SLC7A10: variants seen among roughly 807,000 people sequenced by gnomAD.
SLC7A10 encodes solute carrier family 7 member 10.
SLC7A10 carries 30 observed loss-of-function variants against 52.7 expected under a neutral mutation model. The ratio of observed to expected loss-of-function variants is 0.57; its 90% CI spans 0.43 to 0.77. The LOEUF (loss-of-function observed/expected upper bound fraction) is 0.77, where lower values mean the gene tolerates loss of function less well. Among genes scored for constraint, SLC7A10 ranks in the 30% least tolerant of loss-of-function variants. SLC7A10 has a pLI of 0.00. For synonymous variants in SLC7A10, 318 were observed against 314.9 expected, an observed-to-expected ratio of 1.01 and a Z score of -0.10; for missense variants, 581 against 698.5, an observed-to-expected ratio of 0.83 and a Z score of 1.90.
intron 7 of SLC7A10, 153 bp from the exon 8 acceptor site, chr19:33,211,051 C>A (rs750740777): frequency 4.1e-6 from 4 of 968,970 alleles, no homozygotes; most frequent in Non-Finnish European, 6.5e-6. Flanking sequence ...CTGCCTCTTG[C>A]TTTCTTTGCC....
intron 1 of SLC7A10, among the ~76,000 whole-genome samples, chr19:33,221,341 A>T (rs1006324128): frequency 1.3e-5 from 2 of 150,688 alleles, no homozygotes; most frequent in Non-Finnish European, 3.0e-5. Context: ...GTCTGTCTTG[A>T]CCCCCCCATG....
chr19:33,215,241 C>CAT (rs1974643651), intron 2 of SLC7A10, among the ~76,000 whole-genome samples: 1 of 147,992 alleles, frequency 6.8e-6, no homozygotes, highest in African/African-American at 2.5e-5. Flanking sequence ...GCACTCCAGC[C>CAT]TGGGCAACAG....
intron 2 of SLC7A10, among the ~76,000 whole-genome samples, chr19:33,215,427 C>A (rs564358107): frequency 1.3e-5 from 2 of 152,122 alleles, no homozygotes; most frequent in Non-Finnish European, 2.9e-5. Context: ...AAGAATCCCC[C>A]CTCCTTAAGT....
chr19:33,217,584 G>A (rs1396057677), intron 1 of SLC7A10, among the ~76,000 whole-genome samples: 1 of 152,166 alleles, frequency 6.6e-6, no homozygotes, highest in African/African-American at 2.4e-5. Context: ...GTCCTGGTAG[G>A]ACCAACATCG....
chr19:33,210,510 A>G lies in SLC7A10; in HGVS notation c.1220T>C (p.Leu407Pro). 6.2e-7 allele frequency: 1 copy of G among 1,609,348 alleles called. No homozygotes were observed. Residue 407 changes from leucine to proline, a missense_variant, in exon 9 of 11, where the codon CTG becomes CCG. Transcript: ENST00000253188. This position sits in a 1 kb window ranked among gnomAD's most constrained non-coding sequence, Gnocchi z 5.6. ...LCYGVTILGLLLLRWRRPALH... is the reference protein window; with the variant it reads ...LCYGVTILGLPLLRWRRPALH... ...TGCAGGCCGCCTCCAGCGCAGCAGC[A>G]GCAGGCCCAGGATGGTGACGCCGTA...
chr19:33,210,619 G>A lies in SLC7A10; in HGVS notation c.1114-3C>T. 1 of 1,611,362 alleles carries A rather than the reference G, an allele frequency of 6.2e-7. No homozygotes were observed. On this transcript the variant is annotated splice_polypyrimidine_tract_variant and splice_region_variant and intron_variant, in intron 8 of 10. Coordinates refer to ENST00000253188, the MANE Select transcript of SLC7A10 (RefSeq NM_019849.3). The surrounding 1 kb of genome is among the most constrained non-coding windows in gnomAD (Gnocchi z 5.6). ...ATGATGACGGCTGTGGCCCCGCACT[G>A]GGAGAGGACCTGGGGCTGACGGCTG...
At chr19:33,222,464 T>A (rs55683627) in intron 1 of SLC7A10, among the ~76,000 whole-genome samples, 49,404 of 105,792 alleles carry the variant, frequency 0.47, 10,333 homozygotes, top group Non-Finnish European at 0.6. Context: ...TAAAATAAAA[T>A]AAATAAAATA....
chr19:33,215,626 ATCC>A lies in SLC7A10; in HGVS notation c.356+140_356+142del. On this transcript the variant is annotated intron_variant, in intron 2 of 10. Transcript: ENST00000253188. ...CATCCAGCCCCCACACCTTCTCTCC[ATCC>A]ACCCCCCACACCTTCTCTCCATCCA... 24 of 306,850 alleles carry A rather than the reference ATCC, an allele frequency of 7.8e-5. 1 individual carries two copies. The highest frequency in any genetic ancestry group is 1.2e-4 in the East Asian group (1 of 8,156). The allele number at this position is 306,850 out of a possible 1,614,324, so 19.0% of individuals were successfully genotyped here.
chr19:33,209,260 C>A (rs747395249), intron 10 of SLC7A10, 48 bp downstream of exon 10: 1 of 1,611,370 alleles, frequency 6.2e-7, no homozygotes, highest in Non-Finnish European at 8.5e-7. Flanking sequence ...GGTCTGGTCT[C>A]CAGGCCCCGG....
At position 33,215,771 on chromosome 19, in the gene SLC7A10, AGCCAGGC is replaced by A; in HGVS notation, c.347_353del (p.Gly116ValfsTer23). ...GCCCGCTGGTGCCCCACACTCACCC[AGCCAGGC>A]CCCCGAAGATCTCTGTGACGTAGGC... is the stretch of plus-strand genomic sequence containing the variant. On this transcript the variant is annotated frameshift_variant, in exon 2 of 11. Coordinates refer to ENST00000253188, the MANE Select transcript of SLC7A10 (RefSeq NM_019849.3). LOFTEE classifies it high-confidence loss of function. The A allele has an allele frequency of 6.4e-7, 1 of 1,554,826 alleles. No homozygotes were observed. The highest frequency in any genetic ancestry group is 8.7e-7 in the Non-Finnish European group (1 of 1,148,990).
intron 1 of SLC7A10, among the ~76,000 whole-genome samples, chr19:33,218,127 G>A (rs561543327): frequency 3.2e-4 from 48 of 152,284 alleles, no homozygotes; most frequent in African/African-American, 1.1e-3. Context: ...GCATGTTCAC[G>A]CTGGGAGCAT....
chr19:33,217,648 C>T (rs1433825951), intron 1 of SLC7A10, among the ~76,000 whole-genome samples: 1 of 152,222 alleles, frequency 6.6e-6, no homozygotes, highest in Admixed American at 6.5e-5. Context: ...GGTCCATCTC[C>T]CTCAGAGCGG....
chr19:33,215,608 C>T (rs1974656796), intron 2 of SLC7A10, among the ~76,000 whole-genome samples, 161 bp downstream of exon 2: 1 of 116,098 alleles, frequency 8.6e-6, no homozygotes, highest in South Asian at 3.3e-4. Flanking sequence ...CTCCATCCAG[C>T]CCCCACACCT....
At chr19:33,220,463 C>G (rs1974790102) in intron 1 of SLC7A10, 1 of 152,252 alleles carries the variant, frequency 6.6e-6, no homozygotes, top group Non-Finnish European at 1.5e-5. Flanking sequence ...CACTCGGCCT[C>G]CTGGCCTCCC....
chr19:33,211,195 C>A lies in SLC7A10; in HGVS notation c.1016+30G>T, dbSNP rs778162171. The A allele has an allele frequency of 3.7e-6, 6 of 1,603,000 alleles. No individual in the cohort carries two copies. In the African/African-American group the frequency reaches 8.0e-5, roughly 21 times the overall value. The stretch of plus-strand genomic sequence containing the variant: ...CACACCTGCACCCCAGCCTTCCCTC[C>A]CCATGCCCACGTCTCCCCAGTGCAG... On this transcript the variant is annotated intron_variant, in intron 7 of 10. Coordinates refer to ENST00000253188, the MANE Select transcript of SLC7A10 (RefSeq NM_019849.3).
Position 33,209,334 on chromosome 19 carries a change from T to A in SLC7A10, c.1415A>T (p.Lys472Ile), listed in dbSNP as rs558054946. Residue 472 changes from lysine to isoleucine, a missense_variant, in exon 10 of 11, where the codon AAA becomes ATA. By Grantham distance (102) the Lys-to-Ile change is moderately radical. Transcript: ENST00000253188. ...TGTGAGTCTGTGCACACACTTTGGT[T>A]TGCTTCTCCAGAACACTCCCAGAAA... ...IFFLGVFWRSKPKCVHRLTES... is the reference protein window; with the variant it reads ...IFFLGVFWRSIPKCVHRLTES... 1 of 1,613,816 alleles carries A rather than the reference T, an allele frequency of 6.2e-7. No homozygotes were observed. Among genetic ancestry groups the A allele is most frequent in the East Asian group, 2.2e-5 (1 of 44,856 alleles).
At chr19:33,217,271 C>T (rs145206387) in intron 1 of SLC7A10, among the ~76,000 whole-genome samples, 2 of 152,230 alleles carry the variant, frequency 1.3e-5, no homozygotes, top group Non-Finnish European at 2.9e-5. Flanking sequence ...TTCGGCCTCC[C>T]GAAGTGCTGG....
At position 33,215,777 on chromosome 19, in the gene SLC7A10, G is replaced by T; in HGVS notation, c.348C>A (p.Gly116=). The change falls in exon 2 of 11, where the codon GGC becomes GGA. Residue 116 remains glycine (G), a synonymous_variant. Coordinates refer to ENST00000253188, the MANE Select transcript of SLC7A10 (RefSeq NM_019849.3). The part of the protein sequence containing the change: ...DYAYVTEIFG[G]LAGFLLLWSA... The stretch of plus-strand genomic sequence containing the variant: ...TGGTGCCCCACACTCACCCAGCCAG[G>T]CCCCCGAAGATCTCTGTGACGTAGG... 6.4e-7 allele frequency: 1 copy of T among 1,555,986 alleles called. No homozygotes were observed. The highest frequency in any genetic ancestry group is 2.4e-5 in the East Asian group (1 of 41,294).
chr19:33,220,657 G>A (rs887659564), intron 1 of SLC7A10, among the ~76,000 whole-genome samples: 5 of 152,248 alleles, frequency 3.3e-5, no homozygotes, highest in Middle Eastern at 3.4e-3. Flanking sequence ...CCCTAGCATA[G>A]ACTGCTCTGC....
Sources: gnomAD v4.1 joint callset for allele counts (sites outside exome capture counted in the v4.1 genomes callset) on GRCh38, gnomAD v4.1.1 for gene constraint, Gnocchi (gnomAD v3.1) non-coding constraint, MANE v1.5 for transcripts, NCBI Gene and HGNC (gene_info 2026-07-23, HGNC 2026-07-21) for gene names.